RBM4: variants seen among roughly 807,000 people sequenced by gnomAD.
RBM4 encodes the protein RNA binding motif protein 4, also known as RNA-binding protein 4.
Under a neutral mutation model 29.5 loss-of-function variants are expected in RBM4, and 7 were observed. The observed-to-expected ratio is 0.24, with a 90% CI of 0.14 to 0.45. RBM4 has a LOEUF of 0.45. Among genes scored for constraint, RBM4 ranks in the 20% least tolerant of loss-of-function variants. RBM4 has a pLI of 1.00. For missense variants in RBM4, 387 were observed against 502.3 expected, an observed-to-expected ratio of 0.77 and a Z score of 2.19; for synonymous variants, 220 against 205.4, an observed-to-expected ratio of 1.07 and a Z score of -0.61.
At chr11:66,640,544 A>C (rs956190734) in intron 2 of RBM4, 5 of 329,490 alleles carry the variant, frequency 1.5e-5, no homozygotes, top group Admixed American at 4.4e-5. Context: ...GTCAAGCGAC[A>C]CTTATAGGAC....
chr11:66,641,667 C>T (rs1938470019), intron 2 of RBM4, among the ~76,000 whole-genome samples: 1 of 152,158 alleles, frequency 6.6e-6, no homozygotes, highest in Non-Finnish European at 1.5e-5. Flanking sequence ...CTCTGGGTGT[C>T]TGAACCCTAG....
At chr11:66,655,025 G>T (rs899865565) in intron 2 of RBM4, among the ~76,000 whole-genome samples, 1 of 151,642 alleles carries the variant, frequency 6.6e-6, no homozygotes, top group Non-Finnish European at 1.5e-5. Context: ...TGCTCTTGTT[G>T]CCCAGGCTGG....
chr11:66,642,441 A>T (rs988019017), intron 2 of RBM4, among the ~76,000 whole-genome samples: 13 of 152,336 alleles, frequency 8.5e-5, no homozygotes, highest in Admixed American at 7.2e-4. Flanking sequence ...ACTAAAACTT[A>T]GTTTTAACTT....
At chr11:66,649,133 C>T (rs56683551), downstream of RBM4, among the ~76,000 whole-genome samples, 2 of 151,984 alleles carry the variant, frequency 1.3e-5, no homozygotes, top group African/African-American at 2.4e-5. Flanking sequence ...CAGCCTCCTG[C>T]GTAGCTGGGA....
At chr11:66,654,207 T>C (rs1296510782) in intron 2 of RBM4, among the ~76,000 whole-genome samples, 1 of 151,880 alleles carries the variant, frequency 6.6e-6, no homozygotes, top group African/African-American at 2.4e-5. Context: ...GAATTTTATT[T>C]TTGGCCGGGC....
At chr11:66,646,533 G>A, downstream of RBM4, 1 of 987,918 alleles carries the variant, frequency 1.0e-6, no homozygotes, top group Non-Finnish European at 1.2e-6. Flanking sequence ...TACCTTGAAG[G>A]GGAGGGTATA....
chr11:66,653,878 A>G (rs1441416231), intron 2 of RBM4, among the ~76,000 whole-genome samples: 1 of 150,610 alleles, frequency 6.6e-6, no homozygotes, highest in Non-Finnish European at 1.5e-5. Context: ...TCACACTTTG[A>G]ATATATGCCT....
rs557423130 is a variant in RBM4 at position 66,663,313 on chromosome 11, G to T, written c.413-2543G>T. On this transcript the variant is annotated intron_variant, in intron 2 of 2. Transcript: ENST00000396053. ...TTTTAGCCAAAGCCTAATCCTAGCA[G>T]AATATTAGCACCTTGGGAAGACAGA... Among the ~76,000 whole-genome samples, 3 of 152,320 alleles carry T rather than the reference G, an allele frequency of 2.0e-5. No individual in the cohort carries two copies. The East Asian group carries it at 5.8e-4, about 29-fold the overall frequency.
chr11:66,655,760 CAGA>C (rs921547709), intron 2 of RBM4, among the ~76,000 whole-genome samples: 1 of 152,048 alleles, frequency 6.6e-6, no homozygotes, highest in Non-Finnish European at 1.5e-5. Flanking sequence ...GAGAGAGGAG[CAGA>C]AGAGGTCAGG....
chr11:66,664,291 A>T (rs895153908), intron 2 of RBM4, among the ~76,000 whole-genome samples: 3 of 147,890 alleles, frequency 2.0e-5, no homozygotes, highest in Non-Finnish European at 3.0e-5. Context: ...CTGGGACTAC[A>T]GGCACTCGCC....
intron 2 of RBM4, among the ~76,000 whole-genome samples, chr11:66,655,294 CTTT>C (rs565194100): frequency 2.1e-5 from 3 of 143,906 alleles, no homozygotes; most frequent in East Asian, 4.0e-4. Flanking sequence ...CACTTCTTTT[CTTT>C]TTTTTTTTTT....
chr11:66,662,157 CT>C (rs1258054185), intron 2 of RBM4, among the ~76,000 whole-genome samples: 1 of 152,172 alleles, frequency 6.6e-6, no homozygotes, highest in Non-Finnish European at 1.5e-5. Flanking sequence ...ACTATCTAAA[CT>C]GCTGTCCAAT....
At chr11:66,664,995 A>T (rs1292449586) in intron 2 of RBM4, 1 of 152,430 alleles carries the variant, frequency 6.6e-6, no homozygotes, top group African/African-American at 2.4e-5. Context: ...ACATAAAAAG[A>T]TATTTAAGTG....
intron 2 of RBM4, among the ~76,000 whole-genome samples, chr11:66,658,256 G>A (rs1189565422): frequency 6.9e-6 from 1 of 145,882 alleles, no homozygotes; most frequent in Non-Finnish European, 1.5e-5. Context: ...TTGAACTCCC[G>A]ACCTCAGGTA....
chr11:66,665,003 G>GTGTT (rs1241363099), intron 2 of RBM4: 3 of 152,430 alleles, frequency 2.0e-5, no homozygotes, highest in Non-Finnish European at 4.4e-5. Flanking sequence ...AGATATTTAA[G>GTGTT]TGTTAGAAAC....
At chr11:66,663,702 A>ATGTGTGTGTGTGTGTGTG (rs66797662) in intron 2 of RBM4, among the ~76,000 whole-genome samples, 1 of 148,410 alleles carries the variant, frequency 6.7e-6, no homozygotes, top group Non-Finnish European at 1.5e-5. Flanking sequence ...GTGTGTGTAT[A>ATGTGTGTGTGTGTGTGTG]TGTGTGTGTG....
chr11:66,665,490 G>A (rs1201329942), intron 2 of RBM4: 1 of 949,494 alleles, frequency 1.1e-6, no homozygotes. Flanking sequence ...GAAACATGAA[G>A]CAATGGAAAC....
In RBM4 at chr11:66,643,848, C is replaced by G. The variant is rs767766638; in HGVS notation, c.811C>G (p.Pro271Ala). 6.2e-7 allele frequency: 1 copy of G among 1,613,818 alleles called. No homozygotes were observed. Among genetic ancestry groups the G allele is most frequent in the Non-Finnish European group, 8.5e-7 (1 of 1,179,998 alleles). Residue 271 changes from proline to alanine, a missense_variant, in exon 3 of 4, where the codon CCC (proline) becomes GCC (alanine). By Grantham distance (27) the Pro-to-Ala change is conservative. Coordinates refer to ENST00000310092, the MANE Select transcript of RBM4 (RefSeq NM_002896.4). This position sits in a 1 kb window ranked among gnomAD's most constrained non-coding sequence, Gnocchi z 6.1. The part of the protein sequence containing the change: ...ASHLTSTSLD[P>A]YDRHLLPTSG... ...TCACCTCACCTCCACCTCTCTCGAT[C>G]CCTACGATAGACACCTGTTGCCGAC...
chr11:66,659,445 A>T (rs1332297968), intron 2 of RBM4, among the ~76,000 whole-genome samples: 3 of 150,994 alleles, frequency 2.0e-5, no homozygotes, highest in Non-Finnish European at 4.4e-5. Context: ...TAATTTTTGT[A>T]TCTTTAGATA....
Sources: gnomAD v4.1 joint callset for allele counts (sites outside exome capture counted in the v4.1 genomes callset) on GRCh38, gnomAD v4.1.1 for gene constraint, Gnocchi (gnomAD v3.1) non-coding constraint, MANE v1.5 for transcripts, NCBI Gene and HGNC (gene_info 2026-07-23, HGNC 2026-07-21) for gene names.